The following AGPAT3 variants were observed in gnomAD, a reference collection of about 807,000 sequenced individuals.
AGPAT3 encodes the protein 1-acylglycerol-3-phosphate O-acyltransferase 3, also known as 1-acyl-sn-glycerol-3-phosphate acyltransferase gamma.
A neutral mutation model predicts 47.3 loss-of-function variants in AGPAT3; 5 were observed. That is an observed-to-expected ratio of 0.11 (90% confidence interval 0.06 to 0.22). AGPAT3 has a LOEUF of 0.22. AGPAT3 is among the 10% of genes least tolerant of loss of function. AGPAT3 has a pLI of 1.00. For synonymous variants in AGPAT3, 212 were observed against 208.3 expected (o/e 1.02, Z -0.15); for missense variants, 315 against 493.0 (o/e 0.64, Z 3.42).
At chr21:43,972,091 G>A (rs1481291105) in intron 7 of AGPAT3, among the ~76,000 whole-genome samples, 8 of 152,204 alleles carry the variant, frequency 5.3e-5, no homozygotes, top group African/African-American at 1.2e-4. Context: ...CGCAGCACGC[G>A]AGGGACCGCA....
Position 43,969,297 on chromosome 21 carries a change from C to G in AGPAT3, c.510+18C>G. The G allele has an allele frequency of 6.8e-6, 11 of 1,613,012 alleles. No individual in the cohort carries two copies. The highest frequency in any genetic ancestry group is 9.3e-6 in the Non-Finnish European group (11 of 1,179,150). On this transcript the variant is annotated intron_variant, in intron 5 of 9. Transcript: ENST00000291572. The stretch of plus-strand genomic sequence containing the variant: ...ACATGTGGGTGAGTGCGCGGAGCAG[C>G]CCGATACCCTGCATGCCTGGAGGAG...
intron 2 of AGPAT3, among the ~76,000 whole-genome samples, chr21:43,938,403 G>A (rs1326386429): frequency 3.6e-5 from 5 of 137,744 alleles, no homozygotes; most frequent in African/African-American, 1.4e-4. Context: ...TGCCTCCCGA[G>A]TTCAAGCGAT....
intron 8 of AGPAT3, among the ~76,000 whole-genome samples, chr21:43,979,071 G>A (rs2089735407): frequency 6.6e-6 from 1 of 152,150 alleles, no homozygotes; most frequent in Non-Finnish European, 1.5e-5. Context: ...GCCGAGGTGG[G>A]CAGATCACCT....
chr21:43,945,126 G>A (rs1468093050), intron 2 of AGPAT3, among the ~76,000 whole-genome samples: 1 of 152,234 alleles, frequency 6.6e-6, no homozygotes, highest in Non-Finnish European at 1.5e-5. Context: ...AGCATGGGTG[G>A]CCCTGCAGGT....
At chr21:43,911,582 G>T (rs971614558) in intron 2 of AGPAT3, among the ~76,000 whole-genome samples, 3 of 152,196 alleles carry the variant, frequency 2.0e-5, no homozygotes, top group Non-Finnish European at 2.9e-5. Context: ...TGTCTGTCTG[G>T]TGCCGTTCAT....
At chr21:43,895,988 G>A (rs535589591) in intron 1 of AGPAT3, among the ~76,000 whole-genome samples, 30 of 152,238 alleles carry the variant, frequency 2.0e-4, no homozygotes, top group Admixed American at 1.5e-3. Context: ...GGCTGGTCCC[G>A]AACTCCTGAC....
At chr21:43,926,919 C>T (rs1351885168) in intron 2 of AGPAT3, among the ~76,000 whole-genome samples, 1 of 142,504 alleles carries the variant, frequency 7.0e-6, no homozygotes, top group Non-Finnish European at 1.5e-5. Context: ...GTGGAGGTTG[C>T]AGTGAGCCAA....
At chr21:43,929,302 G>A (rs1384949863) in intron 2 of AGPAT3, among the ~76,000 whole-genome samples, 3 of 152,194 alleles carry the variant, frequency 2.0e-5, no homozygotes, top group Admixed American at 6.5e-5. Context: ...GCGGGCTTGT[G>A]TGCTTTGTTT....
At position 43,930,103 on chromosome 21, in the gene AGPAT3, C is replaced by T. The variant is rs938368232; in HGVS notation, c.-49+26084C>T. ...CCCCGTTTTCACGTTCAGGAAGTCA[C>T]GAATCCACAGTGTCTTTGAAGAAAG... On this transcript the variant is annotated intron_variant, in intron 2 of 9. Transcript: ENST00000291572. The surrounding 1 kb of genome is among the most constrained non-coding windows in gnomAD (Gnocchi z 5.0). 6.6e-6 allele frequency among the ~76,000 whole-genome samples: 1 copy of T among 152,192 alleles called. No homozygotes were observed. The highest frequency in any genetic ancestry group is 2.4e-5 in the African/African-American group (1 of 41,452).
chr21:43,981,887 C>T lies in AGPAT3; in HGVS notation c.1043-417C>T, dbSNP rs368424780. 7.2e-5 allele frequency among the ~76,000 whole-genome samples: 11 copies of T among 152,294 alleles called. No homozygotes were observed. In the East Asian group the frequency reaches 1.9e-3, roughly 27 times the overall value. ...GCCACCAGCCTCTCCCATTGGACTA[C>T]GAGATGACTTGAGGCCACCCACAGA... On this transcript the variant is annotated intron_variant, in intron 9 of 9. Transcript: ENST00000291572. The surrounding 1 kb of genome is among the most constrained non-coding windows in gnomAD (Gnocchi z 5.3).
At chr21:43,973,012 C>G (rs1298421707) in intron 7 of AGPAT3, among the ~76,000 whole-genome samples, 2 of 152,262 alleles carry the variant, frequency 1.3e-5, no homozygotes, top group Non-Finnish European at 2.9e-5. Flanking sequence ...ACATTCTAAT[C>G]TCGAGAGCCT....
At chr21:43,901,902 CAAAG>C (rs546051038) in intron 1 of AGPAT3, among the ~76,000 whole-genome samples, 82 of 152,114 alleles carry the variant, frequency 5.4e-4, no homozygotes, top group African/African-American at 9.2e-4. Flanking sequence ...AAATGAAACA[CAAAG>C]AAAGAAAGAC....
chr21:43,881,937 G>A (rs1429995041), intron 1 of AGPAT3, among the ~76,000 whole-genome samples: 6 of 152,248 alleles, frequency 3.9e-5, no homozygotes, highest in East Asian at 1.9e-4. Context: ...GATTACAGGC[G>A]TGAGCCACCA....
At chr21:43,865,724 T>A (rs1326123185) in intron 1 of AGPAT3, among the ~76,000 whole-genome samples, 9 of 151,196 alleles carry the variant, frequency 6.0e-5, no homozygotes, top group African/African-American at 2.2e-4. Context: ...GCGAGTGGGT[T>A]CCCGCGGGGA....
At chr21:43,949,861 C>A (rs1280455786) in intron 2 of AGPAT3, among the ~76,000 whole-genome samples, 1 of 152,226 alleles carries the variant, frequency 6.6e-6, no homozygotes, top group Non-Finnish European at 1.5e-5. Flanking sequence ...GTCTGCTGGG[C>A]CCCTCTCCTT....
Position 43,933,737 on chromosome 21 carries a change from A to G in AGPAT3, c.-48-25897A>G, listed in dbSNP as rs2087337157. On this transcript the variant is annotated intron_variant, in intron 2 of 9. Coordinates refer to ENST00000291572, the MANE Select transcript of AGPAT3 (RefSeq NM_020132.5). The surrounding 1 kb of genome is among the most constrained non-coding windows in gnomAD (Gnocchi z 6.0). ...GTGAGGGGAGAGTCAGGAGAGAAGGACGCCGCATACCAGATGCCCAGAGGC... is the reference window on the plus strand; with the variant it reads ...GTGAGGGGAGAGTCAGGAGAGAAGGGCGCCGCATACCAGATGCCCAGAGGC... Among the ~76,000 whole-genome samples the G allele has an allele frequency of 6.6e-6, 1 of 151,676 alleles. No homozygotes were observed. Among genetic ancestry groups the G allele is most frequent in the Admixed American group, 6.6e-5 (1 of 15,186 alleles).
chr21:43,970,522 G>A lies in AGPAT3; in HGVS notation c.511-131G>A, dbSNP rs2146782858. 2 of 932,730 alleles carry A rather than the reference G, an allele frequency of 2.1e-6. No homozygotes were observed. The highest frequency in any genetic ancestry group is 1.6e-6 in the Non-Finnish European group (1 of 627,206). The allele number at this position is 932,730 out of a possible 1,614,324, so 57.8% of individuals were successfully genotyped here. On this transcript the variant is annotated intron_variant, in intron 5 of 9. Transcript: ENST00000291572. The surrounding 1 kb of genome is among the most constrained non-coding windows in gnomAD (Gnocchi z 5.8). Reference sequence around the variant, plus strand: ...CTTTCAGTCATAACCCATGCTGCTCGCTAAAGCGGTTCCAAGATTTCCACA... The same window carrying A: ...CTTTCAGTCATAACCCATGCTGCTCACTAAAGCGGTTCCAAGATTTCCACA...
Position 43,987,542 on chromosome 21 carries a change from C to G in AGPAT3, c.*5150C>G, listed in dbSNP as rs1000989724. 6.6e-6 allele frequency among the ~76,000 whole-genome samples: 1 copy of G among 152,212 alleles called. No homozygotes were observed. The highest frequency in any genetic ancestry group is 2.4e-5 in the African/African-American group (1 of 41,454). On this transcript the variant is annotated 3_prime_UTR_variant, in exon 10 of 10. Transcript: ENST00000291572. Reference sequence around the variant, plus strand: ...ATCTGTGGAGAAAACCAAGGAACCCCTTTCTCTTCTTTATTAAAAAGCAAA... The same window carrying G: ...ATCTGTGGAGAAAACCAAGGAACCCGTTTCTCTTCTTTATTAAAAAGCAAA...
At position 43,966,617 on chromosome 21, in the gene AGPAT3, C is replaced by A. The variant is rs548157667; in HGVS notation, c.179-1329C>A. On this transcript the variant is annotated intron_variant, in intron 3 of 9. Transcript: ENST00000291572. ...GGGAAGACACTTCCCTGCACCTGCA[C>A]GCTGTCTGCAGGCGTCTCTGGCCAT... 2.6e-5 allele frequency: 4 copies of A among 152,370 alleles called. No individual in the cohort carries two copies. In the East Asian group the frequency reaches 7.7e-4, roughly 29 times the overall value. 9.4% of individuals were successfully genotyped at this position (152,370 alleles called of 1,614,324 possible).
Sources: allele counts gnomAD v4.1 joint callset (sites outside exome capture counted in the v4.1 genomes callset), GRCh38; gene constraint gnomAD v4.1.1; non-coding constraint Gnocchi (gnomAD v3.1); transcripts MANE v1.5; gene names NCBI Gene and HGNC (gene_info 2026-07-23, HGNC 2026-07-21).